The following IKZF2 variants were observed in gnomAD, a reference collection of about 807,000 sequenced individuals.
IKZF2 encodes the protein IKAROS family zinc finger 2.
IKZF2 carries 15 observed loss-of-function variants against 49.2 expected under a neutral mutation model. The observed-to-expected ratio is 0.30, with a 90% confidence interval of 0.20 to 0.47. The LOEUF is 0.47. IKZF2 is among the 20% of genes least tolerant of loss of function. The pLI is 1.00. For synonymous variants in IKZF2, 227 were observed against 221.4 expected (o/e 1.03, Z -0.23); for missense variants, 567 against 664.6 (o/e 0.85, Z 1.61).
rs1382427528 is a variant in IKZF2 at position 213,006,709 on chromosome 2, G to A, written c.*651C>T. On this transcript the variant is annotated 3_prime_UTR_variant, in exon 9 of 9. Coordinates refer to ENST00000434687, the MANE Select transcript of IKZF2 (RefSeq NM_001387220.1). ...AAAATAAGATCACAGGACCTCAGATGTATTGTAGGTGGCCCTTAACTACCT... is the reference window on the plus strand; with the variant it reads ...AAAATAAGATCACAGGACCTCAGATATATTGTAGGTGGCCCTTAACTACCT... The A allele has an allele frequency of 6.6e-6, 1 of 152,496 alleles. No homozygotes were observed. The highest frequency in any genetic ancestry group is 2.4e-5 in the African/African-American group (1 of 41,424). 9.4% of individuals were successfully genotyped at this position (152,496 alleles called of 1,614,324 possible).
At position 213,036,472 on chromosome 2, in the gene IKZF2, T is replaced by C. The variant is rs80085286; in HGVS notation, c.574+13241A>G. 8.5e-3 allele frequency among the ~76,000 whole-genome samples: 1,291 copies of C among 152,296 alleles called. 11 individuals carry two copies. Among genetic ancestry groups the C allele is most frequent in the South Asian group, 0.033 (161 of 4,826 alleles). Reference sequence around the variant, plus strand: ...TACTAGGAAACATACTCAACCACCATTGACCTCCATGAATCTTTAAAACCT... The same window carrying C: ...TACTAGGAAACATACTCAACCACCACTGACCTCCATGAATCTTTAAAACCT... On this transcript the variant is annotated intron_variant, in intron 6 of 8. Coordinates refer to ENST00000434687, the MANE Select transcript of IKZF2 (RefSeq NM_001387220.1).
intron 8 of IKZF2, among the ~76,000 whole-genome samples, chr2:213,010,505 G>C (rs1695829075): frequency 6.6e-6 from 1 of 152,060 alleles, no homozygotes; most frequent in South Asian, 2.1e-4. Flanking sequence ...TTGCCCAAAT[G>C]GTTCTGAGCC....
In IKZF2 at chr2:213,058,463, C is replaced by CT. The variant is rs1180992147; in HGVS notation, c.140-1365dup. Among the ~76,000 whole-genome samples, 19 of 151,782 alleles carry CT rather than the reference C, an allele frequency of 1.3e-4. No homozygotes were observed. In the East Asian group the frequency reaches 3.1e-3, roughly 25 times the overall value. On this transcript the variant is annotated intron_variant, in intron 4 of 8. Transcript: ENST00000434687. ...GAGTAAATACAGGAAATGTGCTTAT[C>CT]TTTTTTTTCCTGGATATATAGTGCT... is the stretch of plus-strand genomic sequence containing the variant.
At chr2:213,115,223 C>T (rs1351952616) in intron 4 of IKZF2, among the ~76,000 whole-genome samples, 1 of 152,150 alleles carries the variant, frequency 6.6e-6, no homozygotes, top group African/African-American at 2.4e-5. Flanking sequence ...ATGTCAGGCA[C>T]TGGTCTAAGA....
At chr2:213,029,671 A>AAAAAC (rs1357896131) in intron 6 of IKZF2, among the ~76,000 whole-genome samples, 1 of 152,084 alleles carries the variant, frequency 6.6e-6, no homozygotes, top group Non-Finnish European at 1.5e-5. Flanking sequence ...TCTAAGATGA[A>AAAAAC]AAAACAAAAC....
intron 6 of IKZF2, among the ~76,000 whole-genome samples, chr2:213,030,406 T>C (rs1363619170): frequency 6.6e-6 from 1 of 152,154 alleles, no homozygotes; most frequent in Non-Finnish European, 1.5e-5. Context: ...AATCTCTTTA[T>C]ATGAAATCAT....
intron 4 of IKZF2, among the ~76,000 whole-genome samples, chr2:213,124,420 G>T (rs1182179405): frequency 6.6e-6 from 1 of 152,122 alleles, no homozygotes; most frequent in African/African-American, 2.4e-5. Flanking sequence ...AGGGATACAG[G>T]TACAAGCCTT....
At chr2:213,111,428 C>T (rs1446711799) in intron 4 of IKZF2, among the ~76,000 whole-genome samples, 1 of 151,742 alleles carries the variant, frequency 6.6e-6, no homozygotes, top group Non-Finnish European at 1.5e-5. Context: ...TTTAAACTGC[C>T]CTATTACTAA....
chr2:213,057,495 C>G (rs1701272492), intron 4 of IKZF2, among the ~76,000 whole-genome samples: 1 of 152,112 alleles, frequency 6.6e-6, no homozygotes, highest in Admixed American at 6.6e-5. Flanking sequence ...TATGCCTCCT[C>G]TTAATTTAAT....
chr2:213,040,084 T>C (rs1699465740), intron 6 of IKZF2, among the ~76,000 whole-genome samples: 1 of 152,146 alleles, frequency 6.6e-6, no homozygotes. Context: ...ATAATTTTCA[T>C]AGTAATCTGA....
chr2:213,126,732 A>C (rs2125869081), intron 4 of IKZF2, among the ~76,000 whole-genome samples: 1 of 152,330 alleles, frequency 6.6e-6, no homozygotes, highest in South Asian at 2.1e-4. Flanking sequence ...ATTTGATTGA[A>C]GAAAAAATAT....
At chr2:213,127,594 C>A (rs1401940898) in intron 4 of IKZF2, among the ~76,000 whole-genome samples, 3 of 152,168 alleles carry the variant, frequency 2.0e-5, no homozygotes, top group Non-Finnish European at 2.9e-5. Flanking sequence ...ATAGATAACA[C>A]CACTTCCTTC....
intron 4 of IKZF2, among the ~76,000 whole-genome samples, chr2:213,064,279 G>A (rs1165114420): frequency 6.6e-6 from 1 of 151,790 alleles, no homozygotes; most frequent in Non-Finnish European, 1.5e-5. Context: ...TTTCCTTTGT[G>A]GTCAAGTTTT....
At chr2:213,090,810 G>C (rs1171042136) in intron 4 of IKZF2, among the ~76,000 whole-genome samples, 1 of 152,150 alleles carries the variant, frequency 6.6e-6, no homozygotes, top group African/African-American at 2.4e-5. Context: ...AGCCAGGGGA[G>C]AGGGACATAG....
chr2:213,076,623 G>A (rs1046226800), intron 4 of IKZF2, among the ~76,000 whole-genome samples: 3 of 152,170 alleles, frequency 2.0e-5, no homozygotes, highest in South Asian at 4.1e-4. Context: ...ATAGAAAAGA[G>A]AATAAATGAG....
chr2:213,149,629 A>G (rs1403361623), intron 2 of IKZF2, among the ~76,000 whole-genome samples: 1 of 151,984 alleles, frequency 6.6e-6, no homozygotes, highest in African/African-American at 2.4e-5. Flanking sequence ...ATTCACAATG[A>G]GCCATTTCTG....
intron 4 of IKZF2, among the ~76,000 whole-genome samples, chr2:213,134,863 C>T (rs1212725557): frequency 6.6e-6 from 1 of 152,152 alleles, no homozygotes; most frequent in East Asian, 1.9e-4. Flanking sequence ...TTTTCATTTG[C>T]TCTATTGCTC....
intron 4 of IKZF2, among the ~76,000 whole-genome samples, chr2:213,122,603 C>A (rs1228140500): frequency 6.6e-6 from 1 of 152,208 alleles, no homozygotes; most frequent in Non-Finnish European, 1.5e-5. Flanking sequence ...TGATGGCAGA[C>A]CAGAAAAGTA....
intron 4 of IKZF2, among the ~76,000 whole-genome samples, chr2:213,065,057 A>T (rs1364339907): frequency 6.6e-6 from 1 of 152,110 alleles, no homozygotes; most frequent in Non-Finnish European, 1.5e-5. Flanking sequence ...TTAGTTACTC[A>T]TGCCTTTTCC....
Sources: allele counts gnomAD v4.1 joint callset (sites outside exome capture counted in the v4.1 genomes callset), GRCh38; gene constraint gnomAD v4.1.1; transcripts MANE v1.5; gene names NCBI Gene and HGNC (gene_info 2026-07-23, HGNC 2026-07-21).